Variants in RUNX1 observed in about 807,000 individuals in gnomAD.
RUNX1 encodes the protein runt-related transcription factor 1.
Under a neutral mutation model 42.8 loss-of-function variants are expected in RUNX1, and 19 were observed. That is an observed-to-expected ratio of 0.44 (90% CI 0.31 to 0.65). The LOEUF is 0.65. RUNX1 is among the 30% of genes least tolerant of loss of function. The probability of loss-of-function intolerance (pLI) is 0.07; values close to 1 mark genes in which losing one functional copy is unlikely to be tolerated. For missense variants in RUNX1, 528 were observed against 672.0 expected, an observed-to-expected ratio of 0.79 and a Z score of 2.37; for synonymous variants, 271 against 289.4, an observed-to-expected ratio of 0.94 and a Z score of 0.64.
chr21:34,847,605 A>T (rs930780184), intron 6 of RUNX1, among the ~76,000 whole-genome samples: 51 of 152,330 alleles, frequency 3.3e-4, no homozygotes, highest in African/African-American at 1.2e-3. Flanking sequence ...GGCAGAACTC[A>T]TAGTATTATT....
In RUNX1 at chr21:34,839,220, AACACACACACTCTCAACACCCACCG is replaced by A. The variant is rs1297338240; in HGVS notation, c.614-4644_614-4620del. Among the ~76,000 whole-genome samples the A allele has an allele frequency of 1.4e-4, 22 of 152,136 alleles. 1 individual carries two copies. In the South Asian group the frequency reaches 4.4e-3, roughly 30 times the overall value. On this transcript the variant is annotated intron_variant, in intron 6 of 8. Coordinates refer to ENST00000675419, the MANE Select transcript of RUNX1 (RefSeq NM_001754.5). ...GTTACAGGAAGAGGGCAGGTCTGAA[AACACACACACTCTCAACACCCACCG>A]ACACACACACTCGGAATGTACACTC...
At chr21:34,985,332 C>A (rs1399965001) in intron 2 of RUNX1, among the ~76,000 whole-genome samples, 1 of 152,134 alleles carries the variant, frequency 6.6e-6, no homozygotes, top group Non-Finnish European at 1.5e-5. Flanking sequence ...CCCATCGGGG[C>A]AGAACTAGGT....
At chr21:35,031,439 A>T (rs917589186) in intron 2 of RUNX1, among the ~76,000 whole-genome samples, 3 of 152,116 alleles carry the variant, frequency 2.0e-5, no homozygotes, top group Non-Finnish European at 4.4e-5. Flanking sequence ...GCCATTATGG[A>T]AAACTGTATG....
intron 6 of RUNX1, among the ~76,000 whole-genome samples, chr21:34,849,364 TTATA>T (rs1191446060): frequency 2.1e-5 from 1 of 46,612 alleles, no homozygotes; most frequent in African/African-American, 8.5e-5. Context: ...ATATAATATA[TTATA>T]TATACTATAT....
intron 7 of RUNX1, among the ~76,000 whole-genome samples, chr21:34,817,523 G>A (rs1164347637): frequency 1.3e-5 from 2 of 152,156 alleles, no homozygotes; most frequent in African/African-American, 2.4e-5. Context: ...CCCATTCCTT[G>A]TTTGAGTGAC....
At chr21:35,004,390 C>A (rs1601661735) in intron 2 of RUNX1, among the ~76,000 whole-genome samples, 1 of 152,308 alleles carries the variant, frequency 6.6e-6, no homozygotes, top group African/African-American at 2.4e-5. Flanking sequence ...ATTGCTTGGC[C>A]ATAGTGGCTC....
Position 34,838,012 on chromosome 21 carries a change from A to T in RUNX1, c.614-3411T>A, listed in dbSNP as rs541915305. ...AATTGTATATAATAAAAATAAGTCA[A>T]TGCCGTTTGCAAAATTTTACTTCAT... On this transcript the variant is annotated intron_variant, in intron 6 of 8. Transcript: ENST00000675419. 1.6e-4 allele frequency among the ~76,000 whole-genome samples: 25 copies of T among 152,342 alleles called. 1 individual carries two copies. In the South Asian group the frequency reaches 5.2e-3, roughly 32 times the overall value.
At chr21:35,018,564 C>T (rs2059176074) in intron 2 of RUNX1, among the ~76,000 whole-genome samples, 1 of 152,208 alleles carries the variant, frequency 6.6e-6, no homozygotes, top group South Asian at 2.1e-4. Context: ...AATCTTTCCT[C>T]TGTAGGCCCA....
rs1471204743 is a variant in RUNX1, at chr21:34,787,933, G to T, written c.*4202C>A. On this transcript the variant is annotated 3_prime_UTR_variant, in exon 9 of 9. Coordinates refer to ENST00000675419, the MANE Select transcript of RUNX1 (RefSeq NM_001754.5). Reference sequence around the variant, plus strand: ...TGAACAGCAGCAGTCCAGCTGCCCTGCTCAGGCTGGGCACGACGAATGCTC... The same window carrying T: ...TGAACAGCAGCAGTCCAGCTGCCCTTCTCAGGCTGGGCACGACGAATGCTC... The T allele has an allele frequency of 8.6e-6, 2 of 233,290 alleles. No individual in the cohort carries two copies. Among genetic ancestry groups the T allele is most frequent in the Non-Finnish European group, 1.7e-5 (2 of 118,152 alleles). The allele number at this position is 233,290 out of a possible 1,614,324, so 14.5% of individuals were successfully genotyped here.
At chr21:34,889,239 C>T (rs1386241113) in intron 3 of RUNX1, among the ~76,000 whole-genome samples, 1 of 151,942 alleles carries the variant, frequency 6.6e-6, no homozygotes, top group Non-Finnish European at 1.5e-5. Context: ...GATTTGGCCG[C>T]GGGGCCCGGG....
intron 2 of RUNX1, among the ~76,000 whole-genome samples, chr21:35,005,558 G>A (rs1038844704): frequency 1.3e-5 from 2 of 152,058 alleles, no homozygotes; most frequent in African/African-American, 4.8e-5. Flanking sequence ...TAAAAGACAG[G>A]CTCCACAGTT....
At chr21:35,005,493 G>C (rs1417421375) in intron 2 of RUNX1, among the ~76,000 whole-genome samples, 1 of 151,984 alleles carries the variant, frequency 6.6e-6, no homozygotes, top group Non-Finnish European at 1.5e-5. Flanking sequence ...TCATATTACA[G>C]CTTCTCTATT....
chr21:34,846,194 CT>C (rs5843687), intron 6 of RUNX1, among the ~76,000 whole-genome samples: 30,677 of 101,842 alleles, frequency 0.3, 3,574 homozygotes, highest in East Asian at 0.42. Context: ...TTAAGGATGT[CT>C]TTTTTTTTTT....
chr21:34,956,042 T>C (rs777699078), intron 2 of RUNX1, among the ~76,000 whole-genome samples: 1 of 152,110 alleles, frequency 6.6e-6, no homozygotes, highest in Non-Finnish European at 1.5e-5. Flanking sequence ...AAACAGCACA[T>C]TTGTAGTAAA....
chr21:34,950,460 TG>T (rs1220474319), intron 2 of RUNX1, among the ~76,000 whole-genome samples: 1 of 150,950 alleles, frequency 6.6e-6, no homozygotes, highest in Non-Finnish European at 1.5e-5. Context: ...ACATATAGGC[TG>T]GGCTCAGTGG....
chr21:34,949,397 A>G (rs995526596), intron 2 of RUNX1, among the ~76,000 whole-genome samples: 3 of 152,368 alleles, frequency 2.0e-5, no homozygotes, highest in Middle Eastern at 3.4e-3. Flanking sequence ...TAATTTCTGG[A>G]AAGTGAATTG....
At chr21:34,938,322 C>A (rs554963089) in intron 2 of RUNX1, among the ~76,000 whole-genome samples, 2 of 152,120 alleles carry the variant, frequency 1.3e-5, no homozygotes, top group Non-Finnish European at 2.9e-5. Context: ...TAATATTTAA[C>A]TAAACTCTTT....
chr21:34,832,292 C>G (rs532763162), intron 7 of RUNX1, among the ~76,000 whole-genome samples: 56 of 152,240 alleles, frequency 3.7e-4, no homozygotes, highest in African/African-American at 1.3e-3. Flanking sequence ...TGCAACTTCC[C>G]CCCATTTTTT....
Position 34,788,647 on chromosome 21 carries a change from G to T in RUNX1, c.*3488C>A. 1 of 233,248 alleles carries T rather than the reference G, an allele frequency of 4.3e-6. No homozygotes were observed. Among genetic ancestry groups the T allele is most frequent in the East Asian group, 6.1e-5 (1 of 16,472 alleles). The allele number at this position is 233,248 out of a possible 1,614,324, so 14.4% of individuals were successfully genotyped here. ...CATAAATACAATTAACTTTGTTGATGCAACTCTTCTGGAAGGAAAAAAAGA... is the reference window on the plus strand; with the variant it reads ...CATAAATACAATTAACTTTGTTGATTCAACTCTTCTGGAAGGAAAAAAAGA... On this transcript the variant is annotated 3_prime_UTR_variant, in exon 9 of 9. Coordinates refer to ENST00000675419, the MANE Select transcript of RUNX1 (RefSeq NM_001754.5).
Sources: allele counts gnomAD v4.1 joint callset (sites outside exome capture counted in the v4.1 genomes callset), GRCh38; gene constraint gnomAD v4.1.1; transcripts MANE v1.5; gene names NCBI Gene and HGNC (gene_info 2026-07-23, HGNC 2026-07-21).